SLC44A1: variants seen among roughly 807,000 people sequenced by gnomAD.
The protein encoded by SLC44A1 is choline transporter-like protein 1.
A neutral mutation model predicts 79.3 loss-of-function variants in SLC44A1; 26 were observed. That is an observed-to-expected ratio of 0.33 (90% CI 0.24 to 0.46). The LOEUF is 0.46. Ranked by LOEUF, SLC44A1 falls within the 20% of genes least tolerant of loss-of-function variation. The pLI is 1.00. For synonymous variants in SLC44A1, 263 were observed against 286.2 expected (o/e 0.92, Z 0.82); for missense variants, 688 against 798.1 (o/e 0.86, Z 1.66).
rs375938942 is a variant in SLC44A1 at position 105,262,488 on chromosome 9, A to G, written c.36+17584A>G. On this transcript the variant is annotated intron_variant, in intron 1 of 15. Transcript: ENST00000374720. ...AAATGACCAGCTTTTAAGCTAATAA[A>G]TGAGTTTTCTTCTTTGATAGAGCAG... Among the ~76,000 whole-genome samples the G allele has an allele frequency of 1.1e-3, 162 of 152,334 alleles. 1 individual carries two copies. The highest frequency in any genetic ancestry group is 1.5e-3 in the Non-Finnish European group (103 of 68,034).
In SLC44A1 at chr9:105,397,016, G is replaced by C. The variant is rs768805345; in HGVS notation, c.*7960G>C. 1.0e-6 allele frequency: 1 copy of C among 985,230 alleles called. No homozygotes were observed. Among genetic ancestry groups the C allele is most frequent in the Non-Finnish European group, 1.2e-6 (1 of 829,786 alleles). 61.0% of individuals were successfully genotyped at this position (985,230 alleles called of 1,614,324 possible). Reference sequence around the variant, plus strand: ...ACACAGTGCAGACTTTGCAGATGGAGCATTATGCTCTCAGAGGACTTTAAA... The same window carrying C: ...ACACAGTGCAGACTTTGCAGATGGACCATTATGCTCTCAGAGGACTTTAAA... On this transcript the variant is annotated 3_prime_UTR_variant, in exon 16 of 16. Coordinates refer to ENST00000374720, the MANE Select transcript of SLC44A1 (RefSeq NM_080546.5).
chr9:105,429,241 A>G (rs1829361219), intron 15 of SLC44A1, among the ~76,000 whole-genome samples: 1 of 152,222 alleles, frequency 6.6e-6, no homozygotes, highest in Non-Finnish European at 1.5e-5. Context: ...AAACCAGATT[A>G]TCTCAAAGGT....
At chr9:105,332,118 C>CTTTTTTTTTTTTTT (rs34173274) in intron 3 of SLC44A1, among the ~76,000 whole-genome samples, 1 of 128,242 alleles carries the variant, frequency 7.8e-6, no homozygotes, top group Non-Finnish European at 1.7e-5. Context: ...TTCTTTGTTT[C>CTTTTTTTTTTTTTT]TTTTTTTTTT....
At position 105,395,998 on chromosome 9, in the gene SLC44A1, T is replaced by C. The variant is rs142957879; in HGVS notation, c.*6942T>C. Reference sequence around the variant, plus strand: ...GTGATTTGAAACAGGGACTATTAAGTAGATTTTCCCCCATCCTCTAGGTTC... The same window carrying C: ...GTGATTTGAAACAGGGACTATTAAGCAGATTTTCCCCCATCCTCTAGGTTC... On this transcript the variant is annotated 3_prime_UTR_variant, in exon 16 of 16. Transcript: ENST00000374720. The C allele has an allele frequency of 1.0e-6, 1 of 985,166 alleles. No homozygotes were observed. Among genetic ancestry groups the C allele is most frequent in the African/African-American group, 1.7e-5 (1 of 57,272 alleles). The allele number at this position is 985,166 out of a possible 1,614,324, so 61.0% of individuals were successfully genotyped here.
chr9:105,333,244 CT>C (rs35449648), intron 3 of SLC44A1, among the ~76,000 whole-genome samples: 14,337 of 151,832 alleles, frequency 0.094, 1,696 homozygotes, highest in African/African-American at 0.28. Flanking sequence ...CAGCTTCTGG[CT>C]TTTTTTTCCT....
rs2131482124 is a variant in SLC44A1 at position 105,390,924 on chromosome 9, T to C, written c.*1868T>C. The C allele has an allele frequency of 1.0e-6, 1 of 981,670 alleles. No individual in the cohort carries two copies. Among genetic ancestry groups the C allele is most frequent in the Non-Finnish European group, 1.2e-6 (1 of 826,170 alleles). The allele number at this position is 981,670 out of a possible 1,614,324, so 60.8% of individuals were successfully genotyped here. A position where few individuals can be genotyped will look rare whatever the true frequency, so the allele number is the denominator to read the frequency against. On this transcript the variant is annotated 3_prime_UTR_variant, in exon 16 of 16. Coordinates refer to ENST00000374720, the MANE Select transcript of SLC44A1 (RefSeq NM_080546.5). The stretch of plus-strand genomic sequence containing the variant: ...ATCACCAAACAGTATCGCTGTTCTC[T>C]TTTATTCATTTGAAATGAATATAAT...
chr9:105,336,134 A>ATGTGTGTGTGTGTGTGTGTGTGTGTGTG (rs35324360), intron 4 of SLC44A1, among the ~76,000 whole-genome samples: 1 of 144,988 alleles, frequency 6.9e-6, no homozygotes, highest in African/African-American at 2.5e-5. Context: ...GTGTGTGTGC[A>ATGTGTGTGTGTGTGTGTGTGTGTGTGTG]TGTGTGTGTG....
intron 4 of SLC44A1, among the ~76,000 whole-genome samples, chr9:105,339,129 A>G (rs1327017091): frequency 6.6e-6 from 1 of 152,244 alleles, no homozygotes; most frequent in Non-Finnish European, 1.5e-5. Flanking sequence ...ACTGTACATC[A>G]AAGGACAAAA....
intron 1 of SLC44A1, among the ~76,000 whole-genome samples, chr9:105,255,158 C>T (rs533460557): frequency 8.3e-5 from 12 of 144,614 alleles, no homozygotes; most frequent in Non-Finnish European, 1.5e-4. Flanking sequence ...TAGAATATCT[C>T]TGATATAAAG....
Position 105,362,950 on chromosome 9 carries a change from G to C in SLC44A1, c.1030G>C (p.Ala344Pro), listed in dbSNP as rs1471151637. 3.1e-6 allele frequency: 5 copies of C among 1,613,768 alleles called. No individual in the cohort carries two copies. The South Asian group carries it at 5.5e-5, about 18-fold the overall frequency. The change falls in exon 9 of 16, where the codon GCT (alanine) becomes CCT (proline). Residue 344 changes from alanine to proline, a missense_variant. Coordinates refer to ENST00000374720, the MANE Select transcript of SLC44A1 (RefSeq NM_080546.5). ...LVFQPFWTFF[A>P]LVLFWVYWIM... is the part of the protein sequence containing the mutation. ...CTTCCAACCCTTCTGGACTTTCTTT[G>C]CTCTTGTCTTGTTTTGGGTGTACTG...
At chr9:105,257,415 G>A (rs1278039520) in intron 1 of SLC44A1, among the ~76,000 whole-genome samples, 2 of 151,998 alleles carry the variant, frequency 1.3e-5, no homozygotes, top group African/African-American at 4.8e-5. Context: ...TTGTAGAGAC[G>A]AGGTCTTGTC....
chr9:105,430,080 A>G (rs114214237), intron 15 of SLC44A1, among the ~76,000 whole-genome samples: 6 of 152,054 alleles, frequency 3.9e-5, no homozygotes, highest in African/African-American at 1.4e-4. Context: ...GCGAATTTTT[A>G]AATTTTTTGT....
At chr9:105,277,567 A>G (rs1830237563) in intron 1 of SLC44A1, among the ~76,000 whole-genome samples, 1 of 152,218 alleles carries the variant, frequency 6.6e-6, no homozygotes, top group African/African-American at 2.4e-5. Context: ...GTGAACCTGG[A>G]AAAAACAAGC....
intron 2 of SLC44A1, among the ~76,000 whole-genome samples, chr9:105,301,888 C>T (rs941097027): frequency 6.6e-6 from 1 of 152,194 alleles, no homozygotes; most frequent in Admixed American, 6.5e-5. Flanking sequence ...AGTAATCTTG[C>T]AGCCTGACAC....
intron 15 of SLC44A1, among the ~76,000 whole-genome samples, chr9:105,409,156 T>TA (rs1444084399): frequency 6.6e-6 from 1 of 152,124 alleles, no homozygotes; most frequent in Non-Finnish European, 1.5e-5. Flanking sequence ...TGGCATAGAT[T>TA]AAAAAACAGA....
intron 1 of SLC44A1, among the ~76,000 whole-genome samples, chr9:105,269,261 TGA>T (rs1422690125): frequency 6.6e-6 from 1 of 152,214 alleles, no homozygotes; most frequent in Non-Finnish European, 1.5e-5. Context: ...CTTTTGGCCT[TGA>T]TATTATTTAT....
chr9:105,362,764 T>C, intron 8 of SLC44A1, 57 bp from the exon 9 acceptor site: 1 of 1,350,014 alleles, frequency 7.4e-7, no homozygotes, highest in Non-Finnish European at 9.9e-7. Flanking sequence ...TTTCTACTAT[T>C]TTCGGTTTCT....
At chr9:105,312,624 A>G (rs1329770082) in intron 3 of SLC44A1, among the ~76,000 whole-genome samples, 4 of 152,178 alleles carry the variant, frequency 2.6e-5, no homozygotes, top group Non-Finnish European at 5.9e-5. Context: ...TTCCATAAAG[A>G]CCGTTCCATT....
chr9:105,430,445 C>T (rs1564061318), intron 15 of SLC44A1, among the ~76,000 whole-genome samples: 1 of 152,106 alleles, frequency 6.6e-6, no homozygotes, highest in Non-Finnish European at 1.5e-5. Flanking sequence ...TTCCCCTCAC[C>T]CAGCCCCTGG....
Sources: gnomAD v4.1 joint callset for allele counts (sites outside exome capture counted in the v4.1 genomes callset) on GRCh38, gnomAD v4.1.1 for gene constraint, MANE v1.5 for transcripts, NCBI Gene and HGNC (gene_info 2026-07-23, HGNC 2026-07-21) for gene names.